The following SLC35F1 variants were observed in gnomAD, a reference collection of about 807,000 sequenced individuals.
SLC35F1 encodes the protein solute carrier family 35 member F1.
Under a neutral mutation model 48.7 loss-of-function variants are expected in SLC35F1, and 14 were observed. The ratio of observed to expected loss-of-function variants is 0.29; its 90% CI spans 0.19 to 0.45. The LOEUF (loss-of-function observed/expected upper bound fraction) is 0.45. Among genes scored for constraint, SLC35F1 ranks in the 20% least tolerant of loss-of-function variants. The pLI is 1.00. For synonymous variants in SLC35F1, 190 were observed against 202.2 expected (o/e 0.94, Z 0.51); for missense variants, 404 against 500.0 (o/e 0.81, Z 1.83).
chr6:118,139,651 T>C (rs1773853475), intron 1 of SLC35F1, among the ~76,000 whole-genome samples: 1 of 152,206 alleles, frequency 6.6e-6, no homozygotes, highest in African/African-American at 2.4e-5. Context: ...AAATCTCCCA[T>C]GGCTATTTCT....
At chr6:118,019,922 A>G (rs1283480752) in intron 1 of SLC35F1, among the ~76,000 whole-genome samples, 1 of 152,190 alleles carries the variant, frequency 6.6e-6, no homozygotes, top group Non-Finnish European at 1.5e-5. Context: ...CACTAACCTC[A>G]TCCACTTTAA....
At chr6:118,043,003 T>G (rs991683037) in intron 1 of SLC35F1, among the ~76,000 whole-genome samples, 7 of 152,186 alleles carry the variant, frequency 4.6e-5, no homozygotes, top group Non-Finnish European at 1.0e-4. Flanking sequence ...ATATTTTGTT[T>G]ATTGCATTTA....
Position 118,315,433 on chromosome 6 carries a change from CTTTTTTTTTTTTTTTT to C in SLC35F1, c.*1190_*1205del, listed in dbSNP as rs11293041. 1 of 78,918 alleles carries C rather than the reference CTTTTTTTTTTTTTTTT, an allele frequency of 1.3e-5. No homozygotes were observed. The highest frequency in any genetic ancestry group is 2.3e-5 in the Non-Finnish European group (1 of 43,310). 4.9% of individuals were successfully genotyped at this position (78,918 alleles called of 1,614,324 possible). A position where few individuals can be genotyped will look rare whatever the true frequency, so the allele number is the denominator to read the frequency against. On this transcript the variant is annotated 3_prime_UTR_variant, in exon 8 of 8. Transcript: ENST00000360388. ...ATAACAGATATATTGACACGACATT[CTTTTTTTTTTTTTTTT>C]TTTTTTTTGAGACGGAGTCTCACTC...
chr6:118,128,217 T>G (rs1773657268), intron 1 of SLC35F1, among the ~76,000 whole-genome samples: 1 of 147,656 alleles, frequency 6.8e-6, no homozygotes, highest in Non-Finnish European at 1.5e-5. Context: ...TTGGTGGGAC[T>G]GTAAACTAGT....
chr6:117,950,328 T>C (rs978753366), intron 1 of SLC35F1, among the ~76,000 whole-genome samples: 7 of 152,114 alleles, frequency 4.6e-5, no homozygotes, highest in African/African-American at 1.7e-4. Flanking sequence ...TTAAATAATA[T>C]CCCAGAATGC....
chr6:118,035,444 T>TAAA (rs374606375), intron 1 of SLC35F1, among the ~76,000 whole-genome samples: 75 of 145,510 alleles, frequency 5.2e-4, no homozygotes, highest in South Asian at 2.8e-3. Flanking sequence ...CCATTTCTAC[T>TAAA]AAAAAAAAAA....
intron 1 of SLC35F1, among the ~76,000 whole-genome samples, chr6:118,114,681 C>A (rs1455041508): frequency 2.6e-5 from 4 of 152,166 alleles, no homozygotes; most frequent in African/African-American, 7.2e-5. Flanking sequence ...TGGCCAGATT[C>A]ATTGACTTTT....
intron 1 of SLC35F1, among the ~76,000 whole-genome samples, chr6:117,945,492 A>T (rs1776285196): frequency 6.6e-6 from 1 of 152,206 alleles, no homozygotes; most frequent in East Asian, 1.9e-4. Context: ...AACTCATATT[A>T]TGGGTATATA....
intron 1 of SLC35F1, among the ~76,000 whole-genome samples, chr6:118,080,368 G>A (rs766994106): frequency 3.9e-5 from 6 of 152,166 alleles, no homozygotes; most frequent in Non-Finnish European, 8.8e-5. Context: ...CATTTGGCTT[G>A]ATGGGTTCTG....
At chr6:118,234,493 C>T (rs950425579) in intron 2 of SLC35F1, among the ~76,000 whole-genome samples, 1 of 152,152 alleles carries the variant, frequency 6.6e-6, no homozygotes, top group Non-Finnish European at 1.5e-5. Flanking sequence ...AAGCAGGTCC[C>T]TCCCCAGTCA....
intron 1 of SLC35F1, among the ~76,000 whole-genome samples, chr6:117,972,871 T>C (rs919118352): frequency 6.6e-6 from 1 of 152,162 alleles, no homozygotes; most frequent in Non-Finnish European, 1.5e-5. Flanking sequence ...GATACTTCTG[T>C]TTTTCTTCAT....
At chr6:117,982,093 A>G (rs760054481) in intron 1 of SLC35F1, among the ~76,000 whole-genome samples, 4 of 152,180 alleles carry the variant, frequency 2.6e-5, no homozygotes, top group Non-Finnish European at 4.4e-5. Flanking sequence ...ACAACCCCCA[A>G]ATCTGTTTCT....
intron 3 of SLC35F1, among the ~76,000 whole-genome samples, chr6:118,250,203 C>A (rs1434880107): frequency 2.6e-5 from 4 of 152,132 alleles, no homozygotes; most frequent in African/African-American, 9.7e-5. Context: ...ACCTATACTG[C>A]CTCCCCTCTC....
At chr6:118,236,559 G>T (rs1186684849) in intron 3 of SLC35F1, among the ~76,000 whole-genome samples, 1 of 152,158 alleles carries the variant, frequency 6.6e-6, no homozygotes, top group Non-Finnish European at 1.5e-5. Context: ...GAAATACAGT[G>T]GGTGGGAAAC....
chr6:118,132,195 G>A (rs573478005), intron 1 of SLC35F1, among the ~76,000 whole-genome samples: 1 of 152,124 alleles, frequency 6.6e-6, no homozygotes, highest in Non-Finnish European at 1.5e-5. Context: ...TCACTTTATA[G>A]CCCTTTGGAT....
chr6:118,051,234 A>G (rs765301365), intron 1 of SLC35F1, among the ~76,000 whole-genome samples: 1 of 152,116 alleles, frequency 6.6e-6, no homozygotes, highest in Non-Finnish European at 1.5e-5. Flanking sequence ...CTATTTAATT[A>G]TCTCTTAGAA....
rs756395092 is a variant in SLC35F1 at position 118,285,232 on chromosome 6, T to G, written c.896T>G (p.Phe299Cys). ...FSACMFGLYS[F>C]MPVVIKKTSA... is the part of the protein sequence containing the mutation. The stretch of plus-strand genomic sequence containing the variant: ...GCCTGCATGTTTGGTCTCTACAGCT[T>G]TATGCCAGTCGTCATAAAGAAAACC... Residue 299 changes from phenylalanine to cysteine, a missense_variant, in exon 7 of 8, where the codon TTT becomes TGT. Around this residue, in one of 2 missense-constraint regions of SLC35F1, gnomAD observed 306 missense variants for 419.1 expected, o/e 0.73. Coordinates refer to ENST00000360388, the MANE Select transcript of SLC35F1 (RefSeq NM_001029858.4). 1.2e-6 allele frequency: 2 copies of G among 1,613,870 alleles called. No individual in the cohort carries two copies. Among genetic ancestry groups the G allele is most frequent in the Non-Finnish European group, 1.7e-6 (2 of 1,179,912 alleles).
chr6:118,122,924 A>C (rs188185509), intron 1 of SLC35F1, among the ~76,000 whole-genome samples: 9 of 152,292 alleles, frequency 5.9e-5, no homozygotes, highest in Non-Finnish European at 1.0e-4. Flanking sequence ...GTCCAAGGCT[A>C]TGGGCTAAAA....
chr6:118,293,907 C>T (rs561175868), intron 7 of SLC35F1, among the ~76,000 whole-genome samples: 97 of 152,234 alleles, frequency 6.4e-4, no homozygotes, highest in African/African-American at 2.1e-3. Context: ...ATGGTGTGTC[C>T]GAAACAGCAT....
Sources: allele counts gnomAD v4.1 joint callset (sites outside exome capture counted in the v4.1 genomes callset), GRCh38; gene constraint gnomAD v4.1.1; regional missense constraint gnomAD v4.1.1; transcripts MANE v1.5; gene names NCBI Gene and HGNC (gene_info 2026-07-23, HGNC 2026-07-21).